The following LOC128125817 variants were observed in gnomAD, a reference collection of about 807,000 sequenced individuals.
At chr1:41,605,389 A>G in the LOC128125817 span, among the ~76,000 whole-genome samples, 1 of 151,840 alleles carries the variant, frequency 6.6e-6, no homozygotes, top group Non-Finnish European at 1.5e-5. Flanking sequence ...ACACACACAC[A>G]CACACACACA....
chr1:41,625,126 G>A, the LOC128125817 span, among the ~76,000 whole-genome samples: 1 of 116,464 alleles, frequency 8.6e-6, no homozygotes, highest in Non-Finnish European at 1.6e-5. Context: ...TCATGCCATT[G>A]CACTCCAGCC....
At chr1:41,609,991 C>T in the LOC128125817 span, among the ~76,000 whole-genome samples, 3 of 152,218 alleles carry the variant, frequency 2.0e-5, no homozygotes, top group African/African-American at 4.8e-5. Context: ...CTCGGTTGAA[C>T]GCCTTAACAG....
the LOC128125817 span, among the ~76,000 whole-genome samples, chr1:41,604,407 G>A: frequency 6.6e-6 from 1 of 152,138 alleles, no homozygotes; most frequent in African/African-American, 2.4e-5. Flanking sequence ...AATAAGTAAA[G>A]GAATTCAGAC....
the LOC128125817 span, among the ~76,000 whole-genome samples, chr1:41,616,836 C>A: frequency 6.6e-6 from 1 of 152,320 alleles, no homozygotes; most frequent in Admixed American, 6.5e-5. Context: ...TTCTAGGCTA[C>A]AGGCCAATAG....
the LOC128125817 span, among the ~76,000 whole-genome samples, chr1:41,593,460 C>G: frequency 6.6e-6 from 1 of 152,184 alleles, no homozygotes; most frequent in Non-Finnish European, 1.5e-5. Context: ...CCAGCTGTTT[C>G]TATTCCAAGA....
chr1:41,625,310 T>G, the LOC128125817 span, among the ~76,000 whole-genome samples: 2 of 152,106 alleles, frequency 1.3e-5, no homozygotes, highest in Admixed American at 1.3e-4. Context: ...GTCAGCAAAC[T>G]TCTTCTGTAA....
At chr1:41,621,272 G>A in the LOC128125817 span, among the ~76,000 whole-genome samples, 2 of 152,358 alleles carry the variant, frequency 1.3e-5, no homozygotes, top group South Asian at 2.1e-4. Context: ...CCTGGAATCT[G>A]CATTTTAAAG....
At chr1:41,587,771 G>A in the LOC128125817 span, among the ~76,000 whole-genome samples, 1 of 152,114 alleles carries the variant, frequency 6.6e-6, no homozygotes, top group Admixed American at 6.6e-5. Context: ...TGGCAGGACT[G>A]GACCATCCTG....
chr1:41,617,746 C>G, the LOC128125817 span, among the ~76,000 whole-genome samples: 2 of 152,242 alleles, frequency 1.3e-5, no homozygotes, highest in Admixed American at 6.5e-5. Flanking sequence ...ACACACATGC[C>G]TTCCTGAGAA....
At chr1:41,610,180 C>G in the LOC128125817 span, among the ~76,000 whole-genome samples, 1 of 152,132 alleles carries the variant, frequency 6.6e-6, no homozygotes, top group Non-Finnish European at 1.5e-5. Context: ...CACACACACA[C>G]CACACACATA....
chr1:41,586,198 A>G, the LOC128125817 span, among the ~76,000 whole-genome samples: 1 of 152,202 alleles, frequency 6.6e-6, no homozygotes, highest in African/African-American at 2.4e-5. Context: ...GTTGGTCTGC[A>G]TATAGCCCCA....
chr1:41,627,045 A>G, the LOC128125817 span, among the ~76,000 whole-genome samples: 1 of 152,194 alleles, frequency 6.6e-6, no homozygotes, highest in Non-Finnish European at 1.5e-5. Context: ...AGTACCAACC[A>G]TGTGGGCAGC....
the LOC128125817 span, among the ~76,000 whole-genome samples, chr1:41,587,000 G>T: frequency 6.6e-6 from 1 of 152,078 alleles, no homozygotes; most frequent in Non-Finnish European, 1.5e-5. Flanking sequence ...AGGACTTATG[G>T]TGTTTCTATA....
At chr1:41,598,992 C>CT in the LOC128125817 span, among the ~76,000 whole-genome samples, 1 of 151,712 alleles carries the variant, frequency 6.6e-6, no homozygotes, top group Admixed American at 6.6e-5. Context: ...ATTTTTATAT[C>CT]TTTTTTTAGA....
the LOC128125817 span, among the ~76,000 whole-genome samples, chr1:41,588,436 C>T: frequency 6.6e-6 from 1 of 152,100 alleles, no homozygotes. Flanking sequence ...TTAGTCCTGC[C>T]TTCTCCCCTC....
At chr1:41,593,372 C>A in the LOC128125817 span, among the ~76,000 whole-genome samples, 1 of 151,932 alleles carries the variant, frequency 6.6e-6, no homozygotes, top group Admixed American at 6.6e-5. Flanking sequence ...TTTCTTTTTG[C>A]GGGCAGCAGC....
the LOC128125817 span, among the ~76,000 whole-genome samples, chr1:41,627,701 G>A: frequency 3.5e-4 from 54 of 152,264 alleles, no homozygotes; most frequent in Non-Finnish European, 4.9e-4. Context: ...GCCAGGCTGG[G>A]AAATGTTGCC....
At chr1:41,606,973 T>G in the LOC128125817 span, among the ~76,000 whole-genome samples, 1 of 152,006 alleles carries the variant, frequency 6.6e-6, no homozygotes, top group Non-Finnish European at 1.5e-5. Context: ...AAAATCTGTG[T>G]GTGTTTCTTT....
At chr1:41,626,530 A>C in the LOC128125817 span, among the ~76,000 whole-genome samples, 1 of 152,164 alleles carries the variant, frequency 6.6e-6, no homozygotes, top group Non-Finnish European at 1.5e-5. Context: ...CCAAGTCTGC[A>C]GAGGACCCCC....
Sources: gnomAD v4.1 joint callset for allele counts (sites outside exome capture counted in the v4.1 genomes callset) on GRCh38, gnomAD v4.1.1 for gene constraint, MANE v1.5 for transcripts.